PPL: variants seen among roughly 807,000 people sequenced by gnomAD.
PPL encodes the protein 190 kDa paraneoplastic pemphigus antigen.
Under a neutral mutation model 194.4 loss-of-function variants are expected in PPL, and 198 were observed. The observed-to-expected ratio is 1.02, with a 90% CI of 0.91 to 1.15. The LOEUF (loss-of-function observed/expected upper bound fraction) is 1.15. Among genes scored for constraint, PPL ranks in the 50% most tolerant of loss-of-function variants. The pLI, the probability that PPL is intolerant of heterozygous loss-of-function variation, is 0.00. For missense variants in PPL, 2,885 were observed against 2,294.8 expected (o/e 1.26, Z -5.25); for synonymous variants, 1,220 against 972.4 (o/e 1.25, Z -4.74).
At chr16:4,899,475 C>CTGGCCTGAGGACAAGCCCACCTATGGG in intron 6 of PPL, 91 bp from the exon 7 acceptor site, 1 of 709,086 alleles carries the variant, frequency 1.4e-6, no homozygotes, top group Non-Finnish European at 2.3e-6. Flanking sequence ...CCAGCTATGG[C>CTGGCCTGAGGACAAGCCCACCTATGGG]TGGCCTGAGG....
At position 4,884,647 on chromosome 16, in the gene PPL, G is replaced by T. The variant is rs574122324; in HGVS notation, c.4008C>A (p.Ile1336=). The T allele has an allele frequency of 1.1e-5, 17 of 1,614,102 alleles. No individual in the cohort carries two copies. The highest frequency in any genetic ancestry group is 1.4e-5 in the Non-Finnish European group (16 of 1,180,028). Residue 1336 remains isoleucine, a synonymous_variant, in exon 22 of 22, where the codon ATC becomes ATA. Transcript: ENST00000345988. This position sits in a 1 kb window ranked among gnomAD's most constrained non-coding sequence, Gnocchi z 5.7. ...GCGAGAGCTCCTCCTCTTTCCGGGC[G>T]ATCTGCTCTTCCTGGGAAGCTCTTT... ...ERERASQEEQ[I]ARKEEELSRV...
Position 4,893,628 on chromosome 16 carries a change from G to A in PPL, c.1405C>T (p.Gln469Ter), listed in dbSNP as rs1216733380. 3 of 1,588,364 alleles carry A rather than the reference G, an allele frequency of 1.9e-6. No homozygotes were observed. Among genetic ancestry groups the A allele is most frequent in the East Asian group, 2.3e-5 (1 of 43,334 alleles). ...GCCTTCTGCCGCACGCTCCGGTACT[G>A]GCTGCCCAGGCTGTGAGGACAGAAA... Reference protein sequence around the residue: ...ALALADSLGSQYRSVRQKAAG... With the variant: ...ALALADSLGS The change falls in exon 13 of 22, where the codon CAG (glutamine) becomes TAG (stop). Residue 469 changes from glutamine (Q) to a stop codon, truncating the protein, a stop_gained. Transcript: ENST00000345988. LOFTEE classifies it high-confidence loss of function.
Position 4,888,301 on chromosome 16 carries a change from C to T in PPL, c.2398-83G>A, listed in dbSNP as rs951615441. 7 of 931,452 alleles carry T rather than the reference C, an allele frequency of 7.5e-6. No individual in the cohort carries two copies. The African/African-American group carries it at 1.1e-4, about 15-fold the overall frequency. 57.7% of individuals were successfully genotyped at this position (931,452 alleles called of 1,614,324 possible). A position where few individuals can be genotyped will look rare whatever the true frequency, so the allele number is the denominator to read the frequency against. ...ATGTTCCTGTACCCCTTCAGGCTGA[C>T]CCAGACCTGCCCTGTGCCATGTGCT... On this transcript the variant is annotated intron_variant, in intron 19 of 21. Coordinates refer to ENST00000345988, the MANE Select transcript of PPL (RefSeq NM_002705.5).
At position 4,889,047 on chromosome 16, in the gene PPL, C is replaced by T; in HGVS notation, c.2328G>A (p.Glu776=). 1.2e-6 allele frequency: 2 copies of T among 1,613,476 alleles called. No homozygotes were observed. The highest frequency in any genetic ancestry group is 1.7e-6 in the Non-Finnish European group (2 of 1,179,710). ...GTACTTCCTGCTCCCTACTTGCTAT[C>T]TCATCTAGCAGGTTCTGTAAGACAG... ...KLKNQKNLLD[E]IASREQEVQK... is the part of the protein sequence containing the mutation. Residue 776 remains glutamate, a synonymous_variant, in exon 19 of 22, where the codon GAG becomes GAA. Transcript: ENST00000345988.
chr16:4,885,553 C>G lies in PPL; in HGVS notation c.3102G>C (p.Leu1034=), dbSNP rs781581874. The change falls in exon 22 of 22, where the codon CTG becomes CTC. Residue 1034 remains leucine (L), a synonymous_variant. Transcript: ENST00000345988. This position sits in a 1 kb window ranked among gnomAD's most constrained non-coding sequence, Gnocchi z 6.3. Reference sequence around the variant, plus strand: ...CAGCCAGGGCGGCCACACGCTGCTGCAGGAGGAGCACCTCTGCCTCCCGGG... The same window carrying G: ...CAGCCAGGGCGGCCACACGCTGCTGGAGGAGGAGCACCTCTGCCTCCCGGG... The part of the protein sequence containing the change: ...KGAREAEVLL[L]QQRVAALAEE... The G allele has an allele frequency of 1.9e-6, 3 of 1,610,504 alleles. No individual in the cohort carries two copies. The highest frequency in any genetic ancestry group is 2.5e-6 in the Non-Finnish European group (3 of 1,179,930).
intron 12 of PPL, 30 bp downstream of exon 12, chr16:4,894,436 TC>T: frequency 6.2e-7 from 1 of 1,611,744 alleles, no homozygotes; most frequent in Non-Finnish European, 8.5e-7. Context: ...GTGGGACTGG[TC>T]CATGCAGACT....
At chr16:4,903,485 C>G (rs1000833023) in intron 3 of PPL, among the ~76,000 whole-genome samples, 2 of 152,056 alleles carry the variant, frequency 1.3e-5, no homozygotes, top group Admixed American at 6.6e-5. Context: ...TTTGGGAGGT[C>G]GAGGCAGGCG....
At chr16:4,907,070 C>T (rs1317375971) in intron 2 of PPL, among the ~76,000 whole-genome samples, 3 of 127,922 alleles carry the variant, frequency 2.3e-5, no homozygotes, top group Non-Finnish European at 4.8e-5. Context: ...TATAGTGAGA[C>T]CCTATCTCTA....
At chr16:4,920,671 C>T (rs542027045) in intron 1 of PPL, among the ~76,000 whole-genome samples, 2 of 152,114 alleles carry the variant, frequency 1.3e-5, no homozygotes, top group Admixed American at 6.5e-5. Flanking sequence ...CCATGTTAGC[C>T]GGGGTGGTCT....
Position 4,894,502 on chromosome 16 carries a change from G to A in PPL, c.1359C>T (p.Pro453=), listed in dbSNP as rs112208110. 7 of 1,613,910 alleles carry A rather than the reference G, an allele frequency of 4.3e-6. No individual in the cohort carries two copies. The highest frequency in any genetic ancestry group is 1.3e-5 in the African/African-American group (1 of 75,058). ...GAGCCAGGGCCTCAGGGTCTGTGGG[G>A]GGGATCACAAAACACACGGCCGGAG... ...LIAPAVCFVI[P]PTDPEALALA... Residue 453 remains proline (P), a synonymous_variant, in exon 12 of 22, where the codon CCC becomes CCT. Transcript: ENST00000345988.
Position 4,937,111 on chromosome 16 carries a change from G to C in PPL, c.-66C>G. 3 of 1,087,454 alleles carry C rather than the reference G, an allele frequency of 2.8e-6. No homozygotes were observed. The highest frequency in any genetic ancestry group is 3.4e-6 in the Non-Finnish European group (3 of 884,324). 67.4% of individuals were successfully genotyped at this position (1,087,454 alleles called of 1,614,324 possible). On this transcript the variant is annotated 5_prime_UTR_variant, in exon 1 of 22. Coordinates refer to ENST00000345988, the MANE Select transcript of PPL (RefSeq NM_002705.5). ...GGCGCGCACCGAGGGGCGGGCGGGAGCGCAGGTGAGCGAGCGGCGGCGCGG... is the reference window on the plus strand; with the variant it reads ...GGCGCGCACCGAGGGGCGGGCGGGACCGCAGGTGAGCGAGCGGCGGCGCGG...
rs2089307347 is a variant in PPL, at chr16:4,936,911, G to C, written c.62+73C>G. The stretch of plus-strand genomic sequence containing the variant: ...CGTACCCCCCATTCCTACACTGCCC[G>C]GGAGGTCTTCCAGGTCCTGTGCGCC... On this transcript the variant is annotated intron_variant, in intron 1 of 21. Transcript: ENST00000345988. The C allele has an allele frequency of 2.1e-5, 31 of 1,444,814 alleles. No homozygotes were observed. The South Asian group carries it at 3.5e-4, about 16-fold the overall frequency. 89.5% of individuals were successfully genotyped at this position (1,444,814 alleles called of 1,614,324 possible). A position where few individuals can be genotyped will look rare whatever the true frequency, so the allele number is the denominator to read the frequency against.
intron 1 of PPL, among the ~76,000 whole-genome samples, chr16:4,912,292 T>C (rs57901035): frequency 0.018 from 2,804 of 152,366 alleles, 85 homozygotes; most frequent in African/African-American, 0.063. Flanking sequence ...TTCATATAAA[T>C]AGAATCACAC....
Position 4,883,789 on chromosome 16 carries a change from G to C in PPL, c.4866C>G (p.Leu1622=), listed in dbSNP as rs142891786. Residue 1622 remains leucine (L), a synonymous_variant, in exon 22 of 22, where the codon CTC becomes CTG. Coordinates refer to ENST00000345988, the MANE Select transcript of PPL (RefSeq NM_002705.5). The surrounding 1 kb of genome is among the most constrained non-coding windows in gnomAD (Gnocchi z 4.8). ...LWSLERELDD[L]KRLSKDKDLE... ...GGTCTTTGTCCTTGGAGAGCCTCTT[G>C]AGGTCATCCAGTTCCCTCTCCAGGG... The C allele has an allele frequency of 2.0e-5, 33 of 1,614,118 alleles. No homozygotes were observed. In the African/African-American group the frequency reaches 3.2e-4, roughly 16 times the overall value.
At chr16:4,927,169 C>T (rs956971906) in intron 1 of PPL, among the ~76,000 whole-genome samples, 3 of 152,154 alleles carry the variant, frequency 2.0e-5, no homozygotes, top group Non-Finnish European at 2.9e-5. Flanking sequence ...ACAAAACACA[C>T]ACCTTCCCCA....
At chr16:4,907,276 A>G (rs2088707047) in intron 2 of PPL, among the ~76,000 whole-genome samples, 1 of 151,288 alleles carries the variant, frequency 6.6e-6, no homozygotes, top group African/African-American at 2.4e-5. Flanking sequence ...AAAAATAAAA[A>G]TAAAAAATTA....
At chr16:4,897,184 A>C (rs1196503230) in intron 9 of PPL, among the ~76,000 whole-genome samples, 1 of 151,356 alleles carries the variant, frequency 6.6e-6, no homozygotes, top group Non-Finnish European at 1.5e-5. Context: ...AAAATACAAA[A>C]ATTAGCTGGG....
At chr16:4,908,366 A>G (rs189038175) in intron 2 of PPL, among the ~76,000 whole-genome samples, 1 of 152,102 alleles carries the variant, frequency 6.6e-6, no homozygotes, top group East Asian at 1.9e-4. Context: ...AAAATTACCT[A>G]TTTTGAGTCA....
In PPL at chr16:4,886,095, C is replaced by T. The variant is rs368314523; in HGVS notation, c.2608-48G>A. 4.3e-6 allele frequency: 7 copies of T among 1,610,504 alleles called. No individual in the cohort carries two copies. In the African/African-American group the frequency reaches 8.0e-5, roughly 18 times the overall value. On this transcript the variant is annotated intron_variant, in intron 21 of 21. Transcript: ENST00000345988. ...AGGTTAAAGCCAGGCTCTGGCAGCACATGTAGGGCCTGTCCCCACCTGGTC... is the reference window on the plus strand; with the variant it reads ...AGGTTAAAGCCAGGCTCTGGCAGCATATGTAGGGCCTGTCCCCACCTGGTC...
Sources: allele counts gnomAD v4.1 joint callset (sites outside exome capture counted in the v4.1 genomes callset), GRCh38; gene constraint gnomAD v4.1.1; non-coding constraint Gnocchi (gnomAD v3.1); transcripts MANE v1.5; gene names NCBI Gene and HGNC (gene_info 2026-07-23, HGNC 2026-07-21).